KCNG3: variants seen among roughly 807,000 people sequenced by gnomAD.
KCNG3 encodes the protein potassium voltage-gated channel modifier subfamily G member 3.
KCNG3 carries 15 observed loss-of-function variants against 29.0 expected under a neutral mutation model. The ratio of observed to expected loss-of-function variants is 0.52; its 90% CI spans 0.35 to 0.80. The LOEUF (loss-of-function observed/expected upper bound fraction) is 0.80. KCNG3 is among the 30% of genes least tolerant of loss of function. The probability of loss-of-function intolerance (pLI) is 0.01; values close to 1 mark genes in which losing one functional copy is unlikely to be tolerated. For synonymous variants in KCNG3, 322 were observed against 248.9 expected (o/e 1.29, Z -2.76); for missense variants, 512 against 605.7 (o/e 0.85, Z 1.62).
intron 1 of KCNG3, among the ~76,000 whole-genome samples, chr2:42,491,174 ATC>A (rs558418044): frequency 9.2e-5 from 14 of 152,006 alleles, no homozygotes; most frequent in South Asian, 2.1e-4. Context: ...CCTCTTTTCC[ATC>A]TCTGTCTTCC....
chr2:42,431,511 T>C, the KCNG3 span, among the ~76,000 whole-genome samples: 1 of 152,180 alleles, frequency 6.6e-6, no homozygotes, highest in South Asian at 2.1e-4. Context: ...ATTAGAGAAC[T>C]GTAAGTATTC....
the KCNG3 span, among the ~76,000 whole-genome samples, chr2:42,420,574 G>A: frequency 6.6e-6 from 1 of 152,086 alleles, no homozygotes; most frequent in Non-Finnish European, 1.5e-5. Context: ...TGGATCACCT[G>A]AAGTCAGGAG....
Position 42,462,672 on chromosome 2 carries a change from ACT to A in KCNG3, c.666-18095_666-18094del, listed in dbSNP as rs777517887. 4.6e-5 allele frequency among the ~76,000 whole-genome samples: 7 copies of A among 151,902 alleles called. No homozygotes were observed. In the East Asian group the frequency reaches 9.7e-4, roughly 21 times the overall value. Reference sequence around the variant, plus strand: ...ACTCCAGCCTGGGCGACAGAGTGAGACTCTGTCTCAAAAATAAATAAATAAAT... The same window carrying A: ...ACTCCAGCCTGGGCGACAGAGTGAGACTGTCTCAAAAATAAATAAATAAAT... On this transcript the variant is annotated intron_variant, in intron 1 of 1. Transcript: ENST00000306078.
chr2:42,459,561 C>T (rs1672964499), intron 1 of KCNG3, among the ~76,000 whole-genome samples: 1 of 152,162 alleles, frequency 6.6e-6, no homozygotes, highest in African/African-American at 2.4e-5. Flanking sequence ...GCCCATGGAG[C>T]CCATTAATTC....
At chr2:42,451,446 C>T (rs765252785) in intron 1 of KCNG3, among the ~76,000 whole-genome samples, 19 of 151,648 alleles carry the variant, frequency 1.3e-4, no homozygotes, top group Non-Finnish European at 2.8e-4. Flanking sequence ...AGCAGGGGGC[C>T]GGGCACAGTG....
At chr2:42,409,729 A>T in the KCNG3 span, among the ~76,000 whole-genome samples, 19 of 76,416 alleles carry the variant, frequency 2.5e-4, no homozygotes, top group African/African-American at 6.7e-4. Flanking sequence ...AAAAAAAAAA[A>T]TTTTTTTTTA....
the KCNG3 span, among the ~76,000 whole-genome samples, chr2:42,407,457 C>T: frequency 6.6e-6 from 1 of 152,204 alleles, no homozygotes; most frequent in Non-Finnish European, 1.5e-5. Flanking sequence ...GCGGATGCTG[C>T]CATCACACTG....
the KCNG3 span, among the ~76,000 whole-genome samples, chr2:42,407,167 T>C: frequency 6.6e-6 from 1 of 151,042 alleles, no homozygotes; most frequent in Non-Finnish European, 1.5e-5. Context: ...ATTGTTTTTA[T>C]CTGCTTGATC....
chr2:42,473,347 CT>C (rs199735377), intron 1 of KCNG3, among the ~76,000 whole-genome samples: 20 of 148,420 alleles, frequency 1.3e-4, no homozygotes, highest in South Asian at 6.4e-4. Flanking sequence ...AAGCATGTTT[CT>C]TTTTTTTTTG....
chr2:42,459,871 G>A (rs1028205373), intron 1 of KCNG3, among the ~76,000 whole-genome samples: 1 of 151,940 alleles, frequency 6.6e-6, no homozygotes, highest in African/African-American at 2.4e-5. Context: ...AGCTACTCGG[G>A]AGGCTGAGGC....
At chr2:42,486,354 A>G (rs546416130) in intron 1 of KCNG3, among the ~76,000 whole-genome samples, 1 of 152,362 alleles carries the variant, frequency 6.6e-6, no homozygotes, top group South Asian at 2.1e-4. Context: ...ATCAAGGTCC[A>G]TATGCTCTCA....
At chr2:42,447,103 G>T (rs183305174) in intron 1 of KCNG3, among the ~76,000 whole-genome samples, 1 of 150,984 alleles carries the variant, frequency 6.6e-6, no homozygotes. Flanking sequence ...AAGGGATGAG[G>T]AAGGGGAAGG....
At chr2:42,471,900 AAAAG>A (rs1673299446) in intron 1 of KCNG3, among the ~76,000 whole-genome samples, 1 of 151,732 alleles carries the variant, frequency 6.6e-6, no homozygotes, top group Non-Finnish European at 1.5e-5. Context: ...AAAAAAAAAA[AAAAG>A]AAAGAAAAAA....
At chr2:42,462,556 C>T (rs1043776970) in intron 1 of KCNG3, among the ~76,000 whole-genome samples, 6 of 152,154 alleles carry the variant, frequency 3.9e-5, no homozygotes, top group African/African-American at 1.4e-4. Flanking sequence ...GTGGCACGTG[C>T]CTGTAATCCT....
At chr2:42,472,866 T>A (rs911647302) in intron 1 of KCNG3, among the ~76,000 whole-genome samples, 4 of 146,480 alleles carry the variant, frequency 2.7e-5, no homozygotes, top group African/African-American at 9.9e-5. Flanking sequence ...AATCTATAAA[T>A]ATATATATAT....
At chr2:42,389,049 C>G in the KCNG3 span, among the ~76,000 whole-genome samples, 1 of 152,108 alleles carries the variant, frequency 6.6e-6, no homozygotes, top group Non-Finnish European at 1.5e-5. Flanking sequence ...TCCCGAGTAG[C>G]TGGGATTACA....
intron 1 of KCNG3, chr2:42,469,980 C>T: frequency 2.1e-6 from 1 of 471,286 alleles, no homozygotes; most frequent in South Asian, 2.5e-5. Flanking sequence ...TACAGAGAGA[C>T]ACATGGTGTT....
chr2:42,473,191 C>T (rs984444575), intron 1 of KCNG3, among the ~76,000 whole-genome samples: 8 of 151,208 alleles, frequency 5.3e-5, no homozygotes, highest in African/African-American at 1.7e-4. Flanking sequence ...CCACCGCGTC[C>T]GGCCCTCAAC....
chr2:42,455,874 A>G (rs1051580236), intron 1 of KCNG3, among the ~76,000 whole-genome samples: 8 of 150,996 alleles, frequency 5.3e-5, no homozygotes, highest in African/African-American at 1.7e-4. Context: ...TTACACAAGC[A>G]ATAGGCCAAC....
Sources: allele counts gnomAD v4.1 joint callset (sites outside exome capture counted in the v4.1 genomes callset), GRCh38; gene constraint gnomAD v4.1.1; transcripts MANE v1.5; gene names NCBI Gene and HGNC (gene_info 2026-07-23, HGNC 2026-07-21).